Variants in CDH12 observed in about 807,000 individuals in gnomAD.
CDH12 encodes the protein cadherin 12.
CDH12 carries 41 observed loss-of-function variants against 74.1 expected under a neutral mutation model. The observed-to-expected ratio is 0.55, with a 90% CI of 0.43 to 0.72. CDH12 has a LOEUF of 0.72. CDH12 is among the 30% of genes least tolerant of loss of function. The pLI is 0.00. For missense variants in CDH12, 945 were observed against 977.2 expected (o/e 0.97, Z 0.44); for synonymous variants, 399 against 355.0 (o/e 1.12, Z -1.39).
intron 3 of CDH12, among the ~76,000 whole-genome samples, chr5:22,379,134 C>T (rs1471897743): frequency 1.3e-5 from 2 of 152,086 alleles, no homozygotes; most frequent in Non-Finnish European, 2.9e-5. Flanking sequence ...TAGTAAGAAA[C>T]TTAATACAGT....
At chr5:22,385,691 C>A (rs889132705) in intron 3 of CDH12, among the ~76,000 whole-genome samples, 4 of 152,014 alleles carry the variant, frequency 2.6e-5, no homozygotes, top group Admixed American at 2.6e-4. Context: ...TGTTCTTGCA[C>A]TGCTATAAAG....
chr5:22,275,104 A>G (rs893035938), intron 3 of CDH12, among the ~76,000 whole-genome samples: 3 of 152,112 alleles, frequency 2.0e-5, no homozygotes, highest in Admixed American at 2.0e-4. Context: ...AGAGAGGGGA[A>G]CATCACACAC....
In CDH12 at chr5:22,037,089, C is replaced by T. The variant is rs773432789; in HGVS notation, c.231+41357G>A. ...AAAACATGAATAAATCAAACATTAA[C>T]GTAGACATAAGAAAATGGCGGCAAG... On this transcript the variant is annotated intron_variant, in intron 5 of 14. Coordinates refer to ENST00000382254, the MANE Select transcript of CDH12 (RefSeq NM_004061.5). Among the ~76,000 whole-genome samples the T allele has an allele frequency of 3.2e-4, 49 of 152,086 alleles. 1 individual carries two copies. The highest frequency in any genetic ancestry group is 5.9e-5 in the Non-Finnish European group (4 of 68,012).
intron 8 of CDH12, among the ~76,000 whole-genome samples, chr5:21,832,165 G>A (rs192920732): frequency 3.6e-4 from 54 of 152,096 alleles, no homozygotes; most frequent in African/African-American, 1.2e-3. Flanking sequence ...CATATGCTAG[G>A]TTCTTCTGAG....
At chr5:21,829,239 G>A (rs988770369) in intron 8 of CDH12, among the ~76,000 whole-genome samples, 1 of 152,260 alleles carries the variant, frequency 6.6e-6, no homozygotes, top group African/African-American at 2.4e-5. Context: ...AGGCTGCAGC[G>A]AGCCAAATCG....
intron 3 of CDH12, among the ~76,000 whole-genome samples, chr5:22,351,562 G>A (rs1008246560): frequency 2.0e-5 from 3 of 152,228 alleles, no homozygotes; most frequent in Non-Finnish European, 2.9e-5. Context: ...ATTTATTAAT[G>A]ATTTAACGAG....
intron 1 of CDH12, among the ~76,000 whole-genome samples, chr5:22,676,763 A>C (rs530982133): frequency 5.3e-5 from 8 of 152,220 alleles, no homozygotes; most frequent in Non-Finnish European, 1.2e-4. Flanking sequence ...ATTATGTTTT[A>C]TATCACAGAT....
At chr5:22,798,115 C>CTTATATATTATT (rs1748323440) in intron 1 of CDH12, among the ~76,000 whole-genome samples, 1 of 152,072 alleles carries the variant, frequency 6.6e-6, no homozygotes, top group East Asian at 1.9e-4. Flanking sequence ...ATTCTTATCC[C>CTTATATATTATT]CTGCCTCAAA....
intron 6 of CDH12, among the ~76,000 whole-genome samples, chr5:21,939,943 G>A (rs980580629): frequency 2.6e-5 from 4 of 152,034 alleles, no homozygotes; most frequent in East Asian, 1.9e-4. Context: ...TACAGAGGTC[G>A]GGCACAGTGG....
At chr5:21,762,506 A>G (rs890091624) in intron 12 of CDH12, among the ~76,000 whole-genome samples, 2 of 152,094 alleles carry the variant, frequency 1.3e-5, no homozygotes, top group African/African-American at 2.4e-5. Flanking sequence ...TACATTTCTC[A>G]TATATTACAA....
intron 4 of CDH12, among the ~76,000 whole-genome samples, chr5:22,164,233 C>T (rs1308266576): frequency 2.0e-5 from 3 of 152,064 alleles, no homozygotes; most frequent in Non-Finnish European, 4.4e-5. Flanking sequence ...CTCAAGATTC[C>T]AAGGAATGGA....
chr5:22,244,792 GAAAGAAAGAA>G (rs1254482113), intron 3 of CDH12, among the ~76,000 whole-genome samples: 15,926 of 128,844 alleles, frequency 0.12, 1,156 homozygotes, highest in Non-Finnish European at 0.17. Context: ...AAGAAAGAAA[GAAAGAAAGAA>G]AAATTCAAAG....
intron 3 of CDH12, among the ~76,000 whole-genome samples, chr5:22,301,092 T>C (rs1170415201): frequency 6.6e-6 from 1 of 152,146 alleles, no homozygotes; most frequent in Non-Finnish European, 1.5e-5. Context: ...ATATACTTTG[T>C]CCTTTATTTT....
intron 2 of CDH12, among the ~76,000 whole-genome samples, chr5:22,483,255 C>T (rs920021351): frequency 6.6e-6 from 1 of 152,114 alleles, no homozygotes; most frequent in Admixed American, 6.6e-5. Flanking sequence ...TTTTAAGACA[C>T]TTCTGCTGTC....
intron 8 of CDH12, among the ~76,000 whole-genome samples, chr5:21,838,433 G>A (rs1018740439): frequency 4.6e-5 from 7 of 152,062 alleles, no homozygotes; most frequent in African/African-American, 1.2e-4. Context: ...AGTGGCAGAC[G>A]CCTGTAATCC....
chr5:22,683,148 C>G (rs189295429), intron 1 of CDH12, among the ~76,000 whole-genome samples: 109 of 152,290 alleles, frequency 7.2e-4, no homozygotes, highest in Admixed American at 1.3e-3. Context: ...AATTAAACCT[C>G]TACTAATGTA....
intron 8 of CDH12, among the ~76,000 whole-genome samples, chr5:21,820,130 T>C (rs1384229556): frequency 2.0e-5 from 3 of 151,840 alleles, no homozygotes; most frequent in Non-Finnish European, 4.4e-5. Flanking sequence ...CCAAAGGGCA[T>C]CAGATAATTC....
intron 11 of CDH12, among the ~76,000 whole-genome samples, chr5:21,769,927 T>A (rs1269806775): frequency 6.6e-6 from 1 of 152,218 alleles, no homozygotes; most frequent in African/African-American, 2.4e-5. Flanking sequence ...AAAACATTGA[T>A]ATAATCTTTC....
Position 22,493,018 on chromosome 5 carries a change from CGGT to C in CDH12, c.-428+12249_-428+12251del, listed in dbSNP as rs374471814. 1.6e-4 allele frequency among the ~76,000 whole-genome samples: 25 copies of C among 152,316 alleles called. No individual in the cohort carries two copies. The East Asian group carries it at 4.8e-3, about 29-fold the overall frequency. ...TCTCTCTGTTTGCCCACTGAAGCCA[CGGT>C]GGTGTTCACTTTTGTTCCACAAATA... is the stretch of plus-strand genomic sequence containing the variant. On this transcript the variant is annotated intron_variant, in intron 2 of 14. Coordinates refer to ENST00000382254, the MANE Select transcript of CDH12 (RefSeq NM_004061.5).
Sources: allele counts gnomAD v4.1 joint callset (sites outside exome capture counted in the v4.1 genomes callset), GRCh38; gene constraint gnomAD v4.1.1; transcripts MANE v1.5; gene names NCBI Gene and HGNC (gene_info 2026-07-23, HGNC 2026-07-21).